The following NFIA variants were observed in gnomAD, a reference collection of about 807,000 sequenced individuals.
NFIA encodes the protein nuclear factor I A, also known as nuclear factor 1 A-type.
A neutral mutation model predicts 62.8 loss-of-function variants in NFIA; 8 were observed. The ratio of observed to expected loss-of-function variants is 0.13; its 90% confidence interval spans 0.07 to 0.23. The LOEUF (loss-of-function observed/expected upper bound fraction) is 0.23, where lower values mean the gene tolerates loss of function less well. Among genes scored for constraint, NFIA ranks in the 10% least tolerant of loss-of-function variants. The probability of loss-of-function intolerance (pLI) is 1.00; values close to 1 mark genes in which losing one functional copy is unlikely to be tolerated. For synonymous variants in NFIA, 235 were observed against 238.1 expected (o/e 0.99, Z 0.12); for missense variants, 410 against 642.1 (o/e 0.64, Z 3.91).
chr1:61,090,322 C>T (rs11207696), intron 2 of NFIA, among the ~76,000 whole-genome samples: 12,578 of 152,032 alleles, frequency 0.083, 521 homozygotes, highest in East Asian at 0.098. Context: ...TAAATTATCC[C>T]GAATAGATGA....
At chr1:61,202,243 A>G (rs1652552669) in intron 2 of NFIA, among the ~76,000 whole-genome samples, 1 of 152,194 alleles carries the variant, frequency 6.6e-6, no homozygotes, top group Non-Finnish European at 1.5e-5. Flanking sequence ...AATAAAATCC[A>G]ACTAGGAAAA....
chr1:61,270,788 A>G (rs1034238464), intron 2 of NFIA, among the ~76,000 whole-genome samples: 1 of 152,198 alleles, frequency 6.6e-6, no homozygotes, highest in Non-Finnish European at 1.5e-5. Flanking sequence ...CTTTGTTTAC[A>G]TGGGAGTGGG....
chr1:61,106,503 T>C (rs943594827), intron 2 of NFIA, among the ~76,000 whole-genome samples: 1 of 151,838 alleles, frequency 6.6e-6, no homozygotes, highest in African/African-American at 2.4e-5. Context: ...CCAAATTTGA[T>C]TATTATTGTA....
intron 6 of NFIA, among the ~76,000 whole-genome samples, chr1:61,370,198 C>T (rs565492810): frequency 3.9e-5 from 6 of 152,212 alleles, no homozygotes; most frequent in African/African-American, 1.4e-4. Context: ...ACAATAATGC[C>T]TATTTATCCA....
intron 2 of NFIA, among the ~76,000 whole-genome samples, chr1:61,108,720 G>A (rs761617450): frequency 5.3e-5 from 8 of 151,034 alleles, no homozygotes; most frequent in African/African-American, 9.7e-5. Flanking sequence ...TATTACTTTC[G>A]CTGCTCACAT....
chr1:61,084,828 G>A (rs1181487422), intron 1 of NFIA, among the ~76,000 whole-genome samples: 1 of 152,026 alleles, frequency 6.6e-6, no homozygotes, highest in Admixed American at 6.5e-5. Context: ...GTTGGTTCAT[G>A]AGGTATTATG....
chr1:61,155,402 G>A (rs1481722426), intron 2 of NFIA, among the ~76,000 whole-genome samples: 9 of 152,110 alleles, frequency 5.9e-5, no homozygotes, highest in Admixed American at 5.9e-4. Context: ...GGCCGGGCGC[G>A]GTGGCTCACG....
rs914408422 is a variant in NFIA, at chr1:61,461,408, A to G, written c.*6088A>G. The G allele has an allele frequency of 6.6e-6, 1 of 152,248 alleles. No homozygotes were observed. Among genetic ancestry groups the G allele is most frequent in the Non-Finnish European group, 1.5e-5 (1 of 68,050 alleles). The allele number at this position is 152,248 out of a possible 1,614,324, so 9.4% of individuals were successfully genotyped here. A position where few individuals can be genotyped will look rare whatever the true frequency, so the allele number is the denominator to read the frequency against. ...GATTCATAAGAAAAAGAAGTTTGCT[A>G]TTAACACGGGATTTTTTTAATATAC... On this transcript the variant is annotated 3_prime_UTR_variant, in exon 11 of 11. Transcript: ENST00000403491.
intron 7 of NFIA, among the ~76,000 whole-genome samples, chr1:61,391,085 GTCTC>G (rs935495573): frequency 4.0e-5 from 6 of 151,886 alleles, no homozygotes; most frequent in Non-Finnish European, 8.8e-5. Context: ...TTGAGACAGG[GTCTC>G]TCTCTCTGAC....
chr1:61,140,218 T>G (rs1162175009), intron 2 of NFIA, among the ~76,000 whole-genome samples: 1 of 152,192 alleles, frequency 6.6e-6, no homozygotes, highest in African/African-American at 2.4e-5. Context: ...TCTGTACCCC[T>G]GGCCTGAAGG....
intron 5 of NFIA, among the ~76,000 whole-genome samples, chr1:61,357,287 G>T (rs1557729143): frequency 6.6e-6 from 1 of 152,230 alleles, no homozygotes; most frequent in African/African-American, 2.4e-5. Flanking sequence ...ACACTGCCCT[G>T]CTTGCAGGGC....
At chr1:61,285,253 C>T (rs986075535) in intron 3 of NFIA, among the ~76,000 whole-genome samples, 1 of 152,054 alleles carries the variant, frequency 6.6e-6, no homozygotes, top group South Asian at 2.1e-4. Flanking sequence ...TCATACCTCC[C>T]CATCAATTAA....
At chr1:61,197,228 C>A (rs958177293) in intron 2 of NFIA, among the ~76,000 whole-genome samples, 10 of 142,790 alleles carry the variant, frequency 7.0e-5, no homozygotes, top group Admixed American at 4.2e-4. Context: ...ATTTACTACT[C>A]TGGTTCTTTT....
At position 61,461,330 on chromosome 1, in the gene NFIA, G is replaced by A. The variant is rs1416182984; in HGVS notation, c.*6010G>A. On this transcript the variant is annotated 3_prime_UTR_variant, in exon 11 of 11. Transcript: ENST00000403491. ...AAATCACATGGCTATTTAGTTTCATGCACAGTTGCAATATTTTCTTCAAAA... is the reference window on the plus strand; with the variant it reads ...AAATCACATGGCTATTTAGTTTCATACACAGTTGCAATATTTTCTTCAAAA... The A allele has an allele frequency of 1.3e-5, 2 of 152,156 alleles. No homozygotes were observed. The highest frequency in any genetic ancestry group is 4.8e-5 in the African/African-American group (2 of 41,452). The allele number at this position is 152,156 out of a possible 1,614,324, so 9.4% of individuals were successfully genotyped here. A position where few individuals can be genotyped will look rare whatever the true frequency, so the allele number is the denominator to read the frequency against.
At position 61,082,627 on chromosome 1, in the gene NFIA, GA is replaced by G. The variant is rs1396342523; in HGVS notation, c.-162del. 6 of 1,510,108 alleles carry G rather than the reference GA, an allele frequency of 4.0e-6. No individual in the cohort carries two copies. The highest frequency in any genetic ancestry group is 5.3e-6 in the Non-Finnish European group (6 of 1,124,572). 93.5% of individuals were successfully genotyped at this position (1,510,108 alleles called of 1,614,324 possible). A position where few individuals can be genotyped will look rare whatever the true frequency, so the allele number is the denominator to read the frequency against. On this transcript the variant is annotated 5_prime_UTR_variant, in exon 1 of 11. In the 5' UTR this introduces an upstream ATG that the reference lacks. Coordinates refer to ENST00000403491, the MANE Select transcript of NFIA (RefSeq NM_001134673.4). ...GGCTGGCTGCAGTTGAGCCGACTTG[GA>G]AATGTGAACGCAAGAAGCAGGCTTG...
chr1:61,391,363 A>G (rs1027512626), intron 7 of NFIA, among the ~76,000 whole-genome samples: 4 of 151,898 alleles, frequency 2.6e-5, no homozygotes, highest in Non-Finnish European at 4.4e-5. Flanking sequence ...ATGCCCTTAG[A>G]TAACTAAGTA....
chr1:61,183,615 G>GC (rs1650908707), intron 2 of NFIA, among the ~76,000 whole-genome samples: 1 of 152,122 alleles, frequency 6.6e-6, no homozygotes, highest in Non-Finnish European at 1.5e-5. Flanking sequence ...TGCTCCTTTG[G>GC]CCCCCACTGC....
At chr1:61,326,800 T>A (rs1660963307) in intron 3 of NFIA, among the ~76,000 whole-genome samples, 1 of 151,990 alleles carries the variant, frequency 6.6e-6, no homozygotes, top group African/African-American at 2.4e-5. Context: ...TAGGAGGTGG[T>A]TAAGCTAGGA....
At chr1:61,453,443 C>CTTTTTTTTTTTTTTTTTTTTTTTTTT (rs11336299) in intron 10 of NFIA, among the ~76,000 whole-genome samples, 7 of 78,868 alleles carry the variant, frequency 8.9e-5, no homozygotes, top group Non-Finnish European at 6.8e-5. Flanking sequence ...TGTGAAGAAA[C>CTTTTTTTTTTTTTTTTTTTTTTTTTT]TTTTTTTTTT....
Sources: gnomAD v4.1 joint callset for allele counts (sites outside exome capture counted in the v4.1 genomes callset) on GRCh38, gnomAD v4.1.1 for gene constraint, MANE v1.5 for transcripts, NCBI Gene and HGNC (gene_info 2026-07-23, HGNC 2026-07-21) for gene names.